PTPRM: variants seen among roughly 807,000 people sequenced by gnomAD.
PTPRM encodes protein tyrosine phosphatase receptor type M.
In PTPRM, 47 loss-of-function variants were observed where a neutral mutation model predicts 186.7. The ratio of observed to expected loss-of-function variants is 0.25; its 90% CI spans 0.20 to 0.32. The LOEUF (loss-of-function observed/expected upper bound fraction) is 0.32, where lower values mean the gene tolerates loss of function less well. Among genes scored for constraint, PTPRM ranks in the 10% least tolerant of loss-of-function variants. The pLI, the probability that PTPRM is intolerant of heterozygous loss-of-function variation, is 1.00. For missense variants in PTPRM, 1,494 were observed against 1,865.0 expected (o/e 0.80, Z 3.66); for synonymous variants, 668 against 674.9 (o/e 0.99, Z 0.16).
intron 7 of PTPRM, among the ~76,000 whole-genome samples, chr18:7,976,617 A>G (rs192321580): frequency 1.3e-5 from 2 of 152,326 alleles, no homozygotes; most frequent in African/African-American, 2.4e-5. Flanking sequence ...TATTTATGAA[A>G]AAAAAAGAGC....
chr18:7,636,993 C>G (rs2038328861), intron 1 of PTPRM, among the ~76,000 whole-genome samples: 1 of 151,782 alleles, frequency 6.6e-6, no homozygotes, highest in African/African-American at 2.4e-5. Context: ...CATGGTGAAA[C>G]CCCATCTCTA....
chr18:8,050,184 T>C (rs939556058), intron 7 of PTPRM, among the ~76,000 whole-genome samples: 6 of 152,220 alleles, frequency 3.9e-5, no homozygotes, highest in Non-Finnish European at 7.3e-5. Flanking sequence ...AGAACCTTAT[T>C]TGAAGTACAG....
intron 19 of PTPRM, among the ~76,000 whole-genome samples, chr18:8,288,364 G>T (rs2094981614): frequency 6.6e-6 from 1 of 152,204 alleles, no homozygotes; most frequent in African/African-American, 2.4e-5. Context: ...ATAAGGGGGA[G>T]CCCCAGGCAT....
chr18:8,033,219 T>G (rs776094774), intron 7 of PTPRM, among the ~76,000 whole-genome samples: 1 of 152,140 alleles, frequency 6.6e-6, no homozygotes, highest in Non-Finnish European at 1.5e-5. Context: ...GGCAAAGGAT[T>G]ATAACAGGCA....
intron 1 of PTPRM, among the ~76,000 whole-genome samples, chr18:7,705,309 A>ATCTGTCTGTCTG (rs1568040993): frequency 1.4e-5 from 2 of 146,882 alleles, no homozygotes; most frequent in African/African-American, 4.9e-5. Context: ...CTATCTATCT[A>ATCTGTCTGTCTG]TCTATCTATC....
intron 2 of PTPRM, among the ~76,000 whole-genome samples, chr18:7,849,566 T>C (rs1247746484): frequency 6.6e-6 from 1 of 152,244 alleles, no homozygotes; most frequent in Non-Finnish European, 1.5e-5. Flanking sequence ...TGAGGCACTT[T>C]TTAAACATAT....
chr18:8,340,519 A>C (rs1331735603), intron 22 of PTPRM, among the ~76,000 whole-genome samples: 1 of 152,182 alleles, frequency 6.6e-6, no homozygotes, highest in African/African-American at 2.4e-5. Context: ...TCATTATGTA[A>C]ACATGTAAAA....
At chr18:7,588,152 C>T (rs1230621576) in intron 1 of PTPRM, among the ~76,000 whole-genome samples, 1 of 152,182 alleles carries the variant, frequency 6.6e-6, no homozygotes, top group African/African-American at 2.4e-5. Flanking sequence ...TGATTAAAAA[C>T]ATGCTATTTT....
intron 26 of PTPRM, 108 bp from the exon 27 acceptor site, chr18:8,378,157 T>C: frequency 1.7e-6 from 2 of 1,169,642 alleles, no homozygotes; most frequent in East Asian, 4.7e-5. Flanking sequence ...TGTTTCTCTC[T>C]GGAGGAACTG....
At chr18:8,045,211 G>A (rs2086963753) in intron 7 of PTPRM, among the ~76,000 whole-genome samples, 1 of 152,162 alleles carries the variant, frequency 6.6e-6, no homozygotes, top group Non-Finnish European at 1.5e-5. Context: ...AGCTGGACGT[G>A]ATGGCATGTA....
intron 1 of PTPRM, among the ~76,000 whole-genome samples, chr18:7,733,021 A>C (rs1473848122): frequency 1.3e-5 from 2 of 152,166 alleles, no homozygotes; most frequent in African/African-American, 4.8e-5. Flanking sequence ...ATGACCAGGA[A>C]AAATTAGGCA....
At chr18:7,933,335 ATCT>A (rs902176611) in intron 5 of PTPRM, among the ~76,000 whole-genome samples, 22 of 152,354 alleles carry the variant, frequency 1.4e-4, no homozygotes, top group African/African-American at 5.3e-4. Flanking sequence ...GTAAGAAAGA[ATCT>A]TCTATACTTC....
chr18:8,209,267 C>T (rs943832395), intron 14 of PTPRM, among the ~76,000 whole-genome samples: 14 of 152,112 alleles, frequency 9.2e-5, no homozygotes, highest in Admixed American at 2.0e-4. Context: ...GAAGAGACTG[C>T]ACCGACAGCA....
At chr18:8,330,229 TGG>T (rs1486927995) in intron 22 of PTPRM, among the ~76,000 whole-genome samples, 3 of 152,164 alleles carry the variant, frequency 2.0e-5, no homozygotes, top group Non-Finnish European at 2.9e-5. Flanking sequence ...TTTTCACCCA[TGG>T]GCACAGTTTA....
At chr18:7,771,198 T>TTAAG (rs2042254704) in intron 1 of PTPRM, among the ~76,000 whole-genome samples, 2 of 152,232 alleles carry the variant, frequency 1.3e-5, no homozygotes, top group Non-Finnish European at 2.9e-5. Context: ...TATCACTATT[T>TTAAG]CTCACTGTTT....
chr18:8,224,627 A>G (rs1402755111), intron 14 of PTPRM, among the ~76,000 whole-genome samples: 1 of 152,192 alleles, frequency 6.6e-6, no homozygotes, highest in Non-Finnish European at 1.5e-5. Flanking sequence ...TTTTATTCTG[A>G]TCCCACACTT....
At chr18:7,602,420 T>G (rs1193821779) in intron 1 of PTPRM, among the ~76,000 whole-genome samples, 1 of 150,960 alleles carries the variant, frequency 6.6e-6, no homozygotes, top group African/African-American at 2.5e-5. Flanking sequence ...GGAAGTTTGA[T>G]TGTGGCAATT....
chr18:8,264,289 A>C (rs1175802221), intron 19 of PTPRM, among the ~76,000 whole-genome samples: 2 of 152,236 alleles, frequency 1.3e-5, no homozygotes, highest in African/African-American at 2.4e-5. Context: ...AGTGCATTTC[A>C]TAACATGACT....
intron 1 of PTPRM, among the ~76,000 whole-genome samples, chr18:7,581,968 A>AT (rs1215280992): frequency 5.9e-5 from 9 of 152,210 alleles, no homozygotes; most frequent in African/African-American, 1.9e-4. Context: ...CATAAAATTT[A>AT]TTTTTTTAAA....
Sources: allele counts gnomAD v4.1 joint callset (sites outside exome capture counted in the v4.1 genomes callset), GRCh38; gene constraint gnomAD v4.1.1; transcripts MANE v1.5; gene names NCBI Gene and HGNC (gene_info 2026-07-23, HGNC 2026-07-21).